Variants in EYS observed in about 807,000 individuals in gnomAD.
The protein encoded by EYS is EGF-like photoreceptor maintenance factor.
A neutral mutation model predicts 282.1 loss-of-function variants in EYS; 250 were observed. The ratio of observed to expected loss-of-function variants is 0.89; its 90% CI spans 0.80 to 0.98. The LOEUF (loss-of-function observed/expected upper bound fraction) is 0.98, where lower values mean the gene tolerates loss of function less well. Ranked by LOEUF, EYS falls within the 50% of genes least tolerant of loss-of-function variation. The probability of loss-of-function intolerance (pLI) is 0.00; values close to 1 mark genes in which losing one functional copy is unlikely to be tolerated. For synonymous variants in EYS, 1,355 were observed against 1,282.9 expected, an observed-to-expected ratio of 1.06 and a Z score of -1.20; for missense variants, 4,016 against 3,709.0, an observed-to-expected ratio of 1.08 and a Z score of -2.15.
At chr6:64,307,475 G>A (rs995735117) in intron 29 of EYS, among the ~76,000 whole-genome samples, 5 of 151,978 alleles carry the variant, frequency 3.3e-5, no homozygotes, top group Non-Finnish European at 2.9e-5. Flanking sequence ...TCACTTATAG[G>A]TAGACTCTAA....
intron 19 of EYS, among the ~76,000 whole-genome samples, chr6:64,843,780 T>A (rs975557648): frequency 1.3e-5 from 2 of 152,030 alleles, no homozygotes; most frequent in African/African-American, 4.8e-5. Context: ...TGGGAAGGCA[T>A]GATTGATTTT....
chr6:65,255,041 A>G (rs1163172894), intron 12 of EYS, among the ~76,000 whole-genome samples: 1 of 151,904 alleles, frequency 6.6e-6, no homozygotes, highest in East Asian at 1.9e-4. Flanking sequence ...CTAAAATTTT[A>G]TGGAAGCACA....
chr6:65,181,256 C>T (rs1422843165), intron 12 of EYS, among the ~76,000 whole-genome samples: 1 of 152,082 alleles, frequency 6.6e-6, no homozygotes, highest in African/African-American at 2.4e-5. Flanking sequence ...AAACTACCAT[C>T]AGAGTGAACA....
chr6:65,074,077 C>T (rs917340422), intron 12 of EYS, among the ~76,000 whole-genome samples: 1 of 151,924 alleles, frequency 6.6e-6, no homozygotes, highest in Non-Finnish European at 1.5e-5. Flanking sequence ...CTTATAATAA[C>T]TTATTAAGAT....
intron 29 of EYS, among the ~76,000 whole-genome samples, chr6:64,380,007 C>T (rs1772691414): frequency 6.6e-6 from 1 of 151,974 alleles, no homozygotes; most frequent in Non-Finnish European, 1.5e-5. Flanking sequence ...TTGTTTCAAG[C>T]CTGGTATTTT....
At chr6:64,805,833 C>A (rs1168707059) in intron 22 of EYS, among the ~76,000 whole-genome samples, 1 of 150,730 alleles carries the variant, frequency 6.6e-6, no homozygotes, top group African/African-American at 2.4e-5. Context: ...TTAAAAATCC[C>A]AAGGAAATTT....
chr6:64,245,430 T>C (rs997414731), intron 30 of EYS, among the ~76,000 whole-genome samples: 1 of 149,374 alleles, frequency 6.7e-6, no homozygotes, highest in Non-Finnish European at 1.5e-5. Context: ...TCCTCTTACC[T>C]AAGCCTCCCA....
At chr6:64,880,249 T>A (rs1209798750) in intron 19 of EYS, among the ~76,000 whole-genome samples, 1 of 152,022 alleles carries the variant, frequency 6.6e-6, no homozygotes, top group Admixed American at 6.6e-5. Context: ...ACCTCAAGAC[T>A]GCAAGACTGC....
chr6:64,148,602 G>A (rs995741772), intron 31 of EYS, among the ~76,000 whole-genome samples: 1 of 146,142 alleles, frequency 6.8e-6, no homozygotes, highest in African/African-American at 2.7e-5. Context: ...CTGACCAACT[G>A]TTTGCCTCAC....
At chr6:64,029,853 A>G (rs146063723) in intron 33 of EYS, among the ~76,000 whole-genome samples, 26 of 152,360 alleles carry the variant, frequency 1.7e-4, no homozygotes, top group African/African-American at 5.8e-4. Flanking sequence ...TACAGATAGC[A>G]AGTATGCTTA....
At chr6:65,476,720 GC>G (rs1375905723) in intron 5 of EYS, among the ~76,000 whole-genome samples, 1 of 152,058 alleles carries the variant, frequency 6.6e-6, no homozygotes, top group African/African-American at 2.4e-5. Flanking sequence ...GGGACTACAG[GC>G]GCGTGCCACC....
intron 29 of EYS, among the ~76,000 whole-genome samples, chr6:64,336,511 C>T (rs1770855347): frequency 6.6e-6 from 1 of 152,070 alleles, no homozygotes; most frequent in East Asian, 1.9e-4. Context: ...AGATAGACAG[C>T]AACACAATAA....
intron 26 of EYS, among the ~76,000 whole-genome samples, chr6:64,450,322 T>G (rs1775280976): frequency 6.6e-6 from 1 of 152,248 alleles, no homozygotes; most frequent in South Asian, 2.1e-4. Flanking sequence ...CCTAAATATA[T>G]ATGCACCCAA....
At chr6:64,481,068 T>C (rs1156707423) in intron 26 of EYS, among the ~76,000 whole-genome samples, 1 of 151,464 alleles carries the variant, frequency 6.6e-6, no homozygotes, top group African/African-American at 2.4e-5. Context: ...GTGAACAGTT[T>C]TCCTTAAATA....
At chr6:63,778,351 GTCAT>G (rs1770120698) in intron 39 of EYS, 171 bp from the exon 40 acceptor site, 1 of 651,808 alleles carries the variant, frequency 1.5e-6, no homozygotes, top group Non-Finnish European at 2.6e-6. Context: ...TTTTTTAAAA[GTCAT>G]TCATGATATC....
At chr6:63,726,049 C>T (rs1268080678) in intron 42 of EYS, among the ~76,000 whole-genome samples, 1 of 151,980 alleles carries the variant, frequency 6.6e-6, no homozygotes, top group African/African-American at 2.4e-5. Context: ...TAAATATGTA[C>T]CTTTTAAAAT....
At chr6:65,643,697 A>C (rs1464674894) in intron 1 of EYS, among the ~76,000 whole-genome samples, 1 of 151,970 alleles carries the variant, frequency 6.6e-6, no homozygotes, top group Non-Finnish European at 1.5e-5. Context: ...TACTATCTCC[A>C]CCAGAGCAGG....
chr6:63,741,339 C>T (rs1427354403), intron 41 of EYS, among the ~76,000 whole-genome samples: 1 of 151,926 alleles, frequency 6.6e-6, no homozygotes, highest in East Asian at 1.9e-4. Context: ...ATAGAATAGG[C>T]TGATTAGTGA....
intron 31 of EYS, among the ~76,000 whole-genome samples, chr6:64,193,948 C>G (rs1765198326): frequency 6.6e-6 from 1 of 152,116 alleles, no homozygotes; most frequent in Non-Finnish European, 1.5e-5. Flanking sequence ...GTGAATAGTG[C>G]TGCAATAAAC....
Sources: gnomAD v4.1 joint callset for allele counts (sites outside exome capture counted in the v4.1 genomes callset) on GRCh38, gnomAD v4.1.1 for gene constraint, MANE v1.5 for transcripts, NCBI Gene and HGNC (gene_info 2026-07-23, HGNC 2026-07-21) for gene names.